Variants in STAP1 observed in about 807,000 individuals in gnomAD.
STAP1 encodes signal transducing adaptor family member 1.
A neutral mutation model predicts 37.8 loss-of-function variants in STAP1; 30 were observed. That is an observed-to-expected ratio of 0.79 (90% CI 0.59 to 1.08). The LOEUF is 1.08. Among genes scored for constraint, STAP1 ranks in the 50% least tolerant of loss-of-function variants. STAP1 has a pLI of 0.00. For missense variants in STAP1, 357 were observed against 349.4 expected (o/e 1.02, Z -0.17); for synonymous variants, 130 against 116.0 (o/e 1.12, Z -0.78).
intron 1 of STAP1, among the ~76,000 whole-genome samples, chr4:67,570,147 T>C (rs888746871): frequency 6.6e-6 from 1 of 152,182 alleles, no homozygotes; most frequent in Admixed American, 6.5e-5. Flanking sequence ...CTGTTAGTTA[T>C]GTTTTTTCAA....
At chr4:67,586,962 A>T (rs1577760240) in intron 6 of STAP1, among the ~76,000 whole-genome samples, 1 of 152,350 alleles carries the variant, frequency 6.6e-6, no homozygotes, top group Admixed American at 6.5e-5. Flanking sequence ...GGAAGTGGAT[A>T]CGAAAAATTC....
chr4:67,564,455 T>C (rs778686935), intron 1 of STAP1, among the ~76,000 whole-genome samples: 30 of 152,180 alleles, frequency 2.0e-4, no homozygotes, highest in Non-Finnish European at 3.7e-4. Context: ...ACAGAGGGAA[T>C]TCAATAAACC....
chr4:67,573,247 A>T (rs1727644726), intron 2 of STAP1, among the ~76,000 whole-genome samples: 1 of 152,170 alleles, frequency 6.6e-6, no homozygotes, highest in Non-Finnish European at 1.5e-5. Context: ...TACAAGAAAA[A>T]ACTTGCTAGT....
chr4:67,559,293 C>A (rs1727281527), intron 1 of STAP1, among the ~76,000 whole-genome samples: 1 of 152,034 alleles, frequency 6.6e-6, no homozygotes, highest in Non-Finnish European at 1.5e-5. Flanking sequence ...TCAATGATGA[C>A]ATGTACCATT....
intron 1 of STAP1, among the ~76,000 whole-genome samples, chr4:67,563,746 C>T (rs1158985630): frequency 6.6e-6 from 1 of 152,098 alleles, no homozygotes; most frequent in African/African-American, 2.4e-5. Context: ...GAGTTCTGGC[C>T]ACAGAGGTTA....
chr4:67,570,948 A>G, intron 1 of STAP1, 136 bp from the exon 2 acceptor site: 1 of 753,008 alleles, frequency 1.3e-6, no homozygotes, highest in Non-Finnish European at 2.2e-6. Flanking sequence ...ATTAAGCTAT[A>G]AAAATTAGAA....
chr4:67,576,257 T>TG (rs1329097998), intron 3 of STAP1, among the ~76,000 whole-genome samples: 2 of 152,168 alleles, frequency 1.3e-5, no homozygotes, highest in Non-Finnish European at 2.9e-5. Context: ...TCTCTTACCC[T>TG]GCTGTACCTT....
chr4:67,582,630 G>GTT (rs138618971), intron 5 of STAP1, among the ~76,000 whole-genome samples: 177 of 149,144 alleles, frequency 1.2e-3, no homozygotes, highest in Middle Eastern at 3.4e-3. Context: ...TTTTCTATTA[G>GTT]TTTTTTTTTT....
At chr4:67,562,089 AAAG>A (rs1308784690) in intron 1 of STAP1, among the ~76,000 whole-genome samples, 1 of 121,920 alleles carries the variant, frequency 8.2e-6, no homozygotes, top group Non-Finnish European at 1.8e-5. Flanking sequence ...AAAAAAAAAA[AAAG>A]AAAGAAAGAG....
At chr4:67,584,709 C>G (rs149042403) in intron 6 of STAP1, among the ~76,000 whole-genome samples, 1 of 151,958 alleles carries the variant, frequency 6.6e-6, no homozygotes, top group Non-Finnish European at 1.5e-5. Context: ...TTGACTTGTT[C>G]AAGAAAAGAA....
chr4:67,605,525 G>A (rs1461562623), intron 8 of STAP1, among the ~76,000 whole-genome samples: 1 of 152,084 alleles, frequency 6.6e-6, no homozygotes, highest in Non-Finnish European at 1.5e-5. Flanking sequence ...AGATGCCTTT[G>A]TTATAGGGAC....
chr4:67,579,012 T>C (rs1727791261), intron 4 of STAP1, among the ~76,000 whole-genome samples: 1 of 151,988 alleles, frequency 6.6e-6, no homozygotes. Flanking sequence ...TAAAAAATAT[T>C]TTTAGTAGAG....
At chr4:67,571,366 G>GT (rs1166166408) in intron 2 of STAP1, among the ~76,000 whole-genome samples, 27 of 152,186 alleles carry the variant, frequency 1.8e-4, no homozygotes, top group Non-Finnish European at 3.4e-4. Flanking sequence ...ATTGACTCAT[G>GT]TTTTTTACTT....
At chr4:67,582,343 ACT>A (rs1449866363) in intron 5 of STAP1, among the ~76,000 whole-genome samples, 1 of 149,072 alleles carries the variant, frequency 6.7e-6, no homozygotes, top group African/African-American at 2.5e-5. Context: ...ACAGTGTCTC[ACT>A]CTGTTAGCCA....
intron 2 of STAP1, among the ~76,000 whole-genome samples, chr4:67,573,968 C>G (rs1358743673): frequency 6.6e-6 from 1 of 151,922 alleles, no homozygotes; most frequent in Non-Finnish European, 1.5e-5. Context: ...AAGGCAAGCC[C>G]GTTGCATATA....
In STAP1 at chr4:67,581,403, G is replaced by A. The variant is rs1231349474; in HGVS notation, c.462G>A (p.Gln154=). The change falls in exon 5 of 9, where the codon CAG becomes CAA. Residue 154 remains glutamine (Q), a synonymous_variant. Coordinates refer to ENST00000265404, the MANE Select transcript of STAP1 (RefSeq NM_012108.4). The part of the protein sequence containing the change: ...REKKRRIETE[Q]STSVEKEKEP... ...AGAAAAGGAGGATTGAGACAGAGCA[G>A]AGTACGTCCGTGGAAAAAGAGAAGG... is the stretch of plus-strand genomic sequence containing the variant. The A allele has an allele frequency of 1.9e-6, 3 of 1,613,936 alleles. No homozygotes were observed. The highest frequency in any genetic ancestry group is 8.5e-7 in the Non-Finnish European group (1 of 1,179,952).
chr4:67,600,122 T>G (rs1454219521), intron 8 of STAP1, among the ~76,000 whole-genome samples: 3 of 152,216 alleles, frequency 2.0e-5, no homozygotes, highest in Non-Finnish European at 4.4e-5. Context: ...TCTACTTTTC[T>G]GATGTAGATG....
At position 67,571,918 on chromosome 4, in the gene STAP1, T is replaced by G. The variant is rs74582226; in HGVS notation, c.192+763T>G. ...TGTAGAATGTTTTCAAATGCCATAA[T>G]AAATTTTACAAAATTAATTTCTCTT... On this transcript the variant is annotated intron_variant, in intron 2 of 8. Coordinates refer to ENST00000265404, the MANE Select transcript of STAP1 (RefSeq NM_012108.4). 3.4e-3 allele frequency among the ~76,000 whole-genome samples: 519 copies of G among 152,344 alleles called. 4 individuals are homozygous for G. The highest frequency in any genetic ancestry group is 0.012 in the African/African-American group (486 of 41,590).
rs199787258 is a variant in STAP1 at position 67,581,467 on chromosome 4, C to T, written c.526C>T (p.Pro176Ser). Reference sequence around the variant, plus strand: ...TTATGTGGATGTACTGAACCCTATGCCAGCGTAAGTGCACAATGAACTGCA... The same window carrying T: ...TTATGTGGATGTACTGAACCCTATGTCAGCGTAAGTGCACAATGAACTGCA... ...EDYVDVLNPM[P>S]ACFYTVSRKE... is the part of the protein sequence containing the mutation. The change falls in exon 5 of 9, where the codon CCA (proline) becomes TCA (serine). Residue 176 changes from proline to serine, a missense_variant. Physicochemically the swap from Pro to Ser is moderately conservative, Grantham distance 74 (BLOSUM62 -1). Transcript: ENST00000265404. 648 of 1,603,938 alleles carry T rather than the reference C, an allele frequency of 4.0e-4. No homozygotes were observed. Among genetic ancestry groups the T allele is most frequent in the Non-Finnish European group, 5.1e-4 (601 of 1,176,212 alleles).
Sources: gnomAD v4.1 joint callset for allele counts (sites outside exome capture counted in the v4.1 genomes callset) on GRCh38, gnomAD v4.1.1 for gene constraint, MANE v1.5 for transcripts, NCBI Gene and HGNC (gene_info 2026-07-23, HGNC 2026-07-21) for gene names.